The following KLHDC1 variants were observed in gnomAD, a reference collection of about 807,000 sequenced individuals.
The protein encoded by KLHDC1 is kelch domain-containing protein 1.
In KLHDC1, 53 loss-of-function variants were observed where a neutral mutation model predicts 68.3. That is an observed-to-expected ratio of 0.78 (90% confidence interval 0.62 to 0.98). The LOEUF is 0.98. Ranked by LOEUF, KLHDC1 falls within the 50% of genes least tolerant of loss-of-function variation. KLHDC1 has a pLI of 0.00. For missense variants in KLHDC1, 470 were observed against 492.3 expected, an observed-to-expected ratio of 0.95 and a Z score of 0.43; for synonymous variants, 148 against 159.0, an observed-to-expected ratio of 0.93 and a Z score of 0.52.
intron 12 of KLHDC1, 42 bp from the exon 13 acceptor site, chr14:49,751,544 C>A: frequency 5.5e-6 from 5 of 907,908 alleles, no homozygotes; most frequent in Admixed American, 2.9e-5. Flanking sequence ...ATATTATAAC[C>A]TCAGGTTCAA....
chr14:49,736,038 G>T (rs979553779), intron 10 of KLHDC1, among the ~76,000 whole-genome samples: 2 of 152,096 alleles, frequency 1.3e-5, no homozygotes, highest in African/African-American at 4.8e-5. Context: ...AAGAAACTGA[G>T]CATCGATTTT....
chr14:49,703,820 A>G (rs1015774929), intron 1 of KLHDC1, among the ~76,000 whole-genome samples: 7 of 152,222 alleles, frequency 4.6e-5, no homozygotes, highest in Admixed American at 2.0e-4. Flanking sequence ...TATCCTGTAT[A>G]ACATTCTACT....
At chr14:49,713,811 TATATATATATATATATATATATATA>T (rs1888275422) in intron 4 of KLHDC1, among the ~76,000 whole-genome samples, 2 of 3,762 alleles carry the variant, frequency 5.3e-4, no homozygotes, top group East Asian at 0.038. Context: ...TATATATATA[TATATATATATATATATATATATATA>T]TATATATATA....
At position 49,694,424 on chromosome 14, in the gene KLHDC1, C is replaced by G. The variant is rs745688089; in HGVS notation, c.96+1134C>G. 7.9e-5 allele frequency among the ~76,000 whole-genome samples: 12 copies of G among 151,932 alleles called. 1 individual carries two copies. Among genetic ancestry groups the G allele is most frequent in the South Asian group, 2.1e-4 (1 of 4,814 alleles). On this transcript the variant is annotated intron_variant, in intron 1 of 12. Transcript: ENST00000359332. ...AAATGACCAACATACAGGCATACCT[C>G]GAAGTATTGCAGAATACTTCGTATG... is the stretch of plus-strand genomic sequence containing the variant.
chr14:49,729,428 A>G, intron 7 of KLHDC1, 62 bp from the exon 8 acceptor site: 1 of 1,107,788 alleles, frequency 9.0e-7, no homozygotes, highest in Non-Finnish European at 1.4e-6. Flanking sequence ...TTACTTTAAA[A>G]GAAAAATTTT....
intron 8 of KLHDC1, among the ~76,000 whole-genome samples, chr14:49,730,014 G>A (rs1456939837): frequency 6.6e-6 from 1 of 152,066 alleles, no homozygotes; most frequent in Admixed American, 6.6e-5. Context: ...AACCATGAAA[G>A]TCTCAGAAGA....
At chr14:49,732,082 A>G (rs886788637) in intron 8 of KLHDC1, among the ~76,000 whole-genome samples, 1 of 152,236 alleles carries the variant, frequency 6.6e-6, no homozygotes, top group Non-Finnish European at 1.5e-5. Flanking sequence ...AGTTACAGAC[A>G]TGAAAAAAAT....
chr14:49,695,388 G>A (rs1887711451), intron 1 of KLHDC1, among the ~76,000 whole-genome samples: 1 of 152,192 alleles, frequency 6.6e-6, no homozygotes, highest in South Asian at 2.1e-4. Context: ...TAGCAGGCAT[G>A]AAAAGATAAA....
At chr14:49,744,441 C>T (rs1454695536) in intron 12 of KLHDC1, among the ~76,000 whole-genome samples, 2 of 151,904 alleles carry the variant, frequency 1.3e-5, no homozygotes, top group Non-Finnish European at 2.9e-5. Flanking sequence ...CACATTTTAA[C>T]TTTTTGGAAA....
chr14:49,731,743 A>G (rs1392055113), intron 8 of KLHDC1, among the ~76,000 whole-genome samples: 1 of 151,990 alleles, frequency 6.6e-6, no homozygotes, highest in Non-Finnish European at 1.5e-5. Context: ...CAATGTCTCT[A>G]TTTTGCCCAG....
rs146607278 is a variant in KLHDC1 at position 49,724,551 on chromosome 14, G to GTA, written c.483+612_483+613dup. ...CATTAGTGTAAATACATATATATGT[G>GTA]TATATATATATATACACACACACAC... On this transcript the variant is annotated intron_variant, in intron 5 of 12. Coordinates refer to ENST00000359332, the MANE Select transcript of KLHDC1 (RefSeq NM_172193.3). 9.0e-3 allele frequency among the ~76,000 whole-genome samples: 1,353 copies of GTA among 149,718 alleles called. 17 individuals are homozygous for GTA. Among genetic ancestry groups the GTA allele is most frequent in the East Asian group, 0.028 (146 of 5,142 alleles).
intron 11 of KLHDC1, among the ~76,000 whole-genome samples, chr14:49,741,313 A>ATT (rs532664095): frequency 2.7e-5 from 4 of 149,206 alleles, no homozygotes; most frequent in African/African-American, 9.9e-5. Context: ...GTATATTATT[A>ATT]TTTTTTTTTT....
chr14:49,737,836 GC>G (rs1277291151), intron 10 of KLHDC1, among the ~76,000 whole-genome samples: 3 of 137,588 alleles, frequency 2.2e-5, no homozygotes, highest in African/African-American at 8.1e-5. Flanking sequence ...CTGCACTCCA[GC>G]CTGGGTGACA....
chr14:49,711,222 G>A (rs1235046693), intron 4 of KLHDC1, among the ~76,000 whole-genome samples: 2 of 151,402 alleles, frequency 1.3e-5, no homozygotes, highest in African/African-American at 4.9e-5. Context: ...TTATTTTTGT[G>A]ACAGAGTCTC....
rs1008778969 is a variant in KLHDC1 at position 49,752,304 on chromosome 14, G to A, written c.*532G>A. On this transcript the variant is annotated 3_prime_UTR_variant, in exon 13 of 13. Coordinates refer to ENST00000359332, the MANE Select transcript of KLHDC1 (RefSeq NM_172193.3). ...TAAATATTGAACTCCTGACCTTTTC[G>A]ACACTTACCTAGTAAAGTATTCTTA... 2.0e-5 allele frequency: 3 copies of A among 152,272 alleles called. No individual in the cohort carries two copies. The highest frequency in any genetic ancestry group is 2.9e-5 in the Non-Finnish European group (2 of 67,898). The allele number at this position is 152,272 out of a possible 1,614,324, so 9.4% of individuals were successfully genotyped here.
At chr14:49,709,889 A>T in intron 3 of KLHDC1, 63 bp downstream of exon 3, 1 of 768,126 alleles carries the variant, frequency 1.3e-6, no homozygotes, top group Non-Finnish European at 2.1e-6. Flanking sequence ...ATTTCATCTC[A>T]CAAGTTACAA....
At chr14:49,719,595 A>C (rs1277176834) in intron 4 of KLHDC1, among the ~76,000 whole-genome samples, 1 of 151,302 alleles carries the variant, frequency 6.6e-6, no homozygotes, top group Non-Finnish European at 1.5e-5. Context: ...TGCTCGGCTA[A>C]TTTATTTTTA....
chr14:49,748,808 T>G (rs909376319), intron 12 of KLHDC1, among the ~76,000 whole-genome samples: 1 of 151,520 alleles, frequency 6.6e-6, no homozygotes, highest in Non-Finnish European at 1.5e-5. Context: ...TTTTTCTTTT[T>G]TTTTTCTTTT....
intron 1 of KLHDC1, among the ~76,000 whole-genome samples, chr14:49,696,930 CCTA>C (rs1485823880): frequency 6.6e-6 from 1 of 151,712 alleles, no homozygotes; most frequent in Non-Finnish European, 1.5e-5. Flanking sequence ...TACTAACTGG[CCTA>C]CTTTCTTTTT....
Sources: gnomAD v4.1 joint callset for allele counts (sites outside exome capture counted in the v4.1 genomes callset) on GRCh38, gnomAD v4.1.1 for gene constraint, MANE v1.5 for transcripts, NCBI Gene and HGNC (gene_info 2026-07-23, HGNC 2026-07-21) for gene names.